Variants in RBFOX1 observed in about 807,000 individuals in gnomAD.
RBFOX1 encodes the protein RNA binding protein fox-1 homolog 1.
RBFOX1 carries 8 observed loss-of-function variants against 57.7 expected under a neutral mutation model. That is an observed-to-expected ratio of 0.14 (90% CI 0.08 to 0.25). The LOEUF (loss-of-function observed/expected upper bound fraction) is 0.25. Ranked by LOEUF, RBFOX1 falls within the 10% of genes least tolerant of loss-of-function variation. The pLI, the probability that RBFOX1 is intolerant of heterozygous loss-of-function variation, is 1.00. For synonymous variants in RBFOX1, 326 were observed against 222.4 expected (o/e 1.47, Z -4.15); for missense variants, 611 against 548.5 (o/e 1.11, Z -1.14).
intron 4 of RBFOX1, among the ~76,000 whole-genome samples, chr16:7,060,314 G>T (rs1467480258): frequency 6.6e-6 from 1 of 152,162 alleles, no homozygotes; most frequent in Admixed American, 6.5e-5. Flanking sequence ...GCTGGTGACT[G>T]AAATGTTAGT....
Position 5,819,540 on chromosome 16 carries a change from A to G in RBFOX1, c.319-47763A>G, listed in dbSNP as rs2151800127. The stretch of plus-strand genomic sequence containing the variant: ...ACTTTGCTTGCAGGAAGCAGTGCAA[A>G]CTGTATTTTGGAACACAGGTTCTTT... On this transcript the variant is annotated intron_variant, in intron 3 of 19. Coordinates refer to the RBFOX1 transcript ENST00000641259. Among the ~76,000 whole-genome samples the G allele has an allele frequency of 3.3e-5, 5 of 152,286 alleles. 1 individual carries two copies. In the South Asian group the frequency reaches 1.0e-3, roughly 32 times the overall value.
intron 1 of RBFOX1, among the ~76,000 whole-genome samples, chr16:6,080,106 G>A (rs1174338072): frequency 2.0e-5 from 3 of 152,188 alleles, no homozygotes; most frequent in Non-Finnish European, 2.9e-5. Context: ...CTTGAAGGGA[G>A]CCATGCAGGC....
At chr16:6,982,750 T>C (rs1013828284) in intron 3 of RBFOX1, among the ~76,000 whole-genome samples, 2 of 152,116 alleles carry the variant, frequency 1.3e-5, no homozygotes, top group African/African-American at 4.8e-5. Context: ...CCCAACACTT[T>C]GGGAGGTCGA....
chr16:6,803,546 TAAAC>T (rs1009553437), intron 3 of RBFOX1, among the ~76,000 whole-genome samples: 8 of 152,290 alleles, frequency 5.3e-5, no homozygotes, highest in East Asian at 1.9e-4. Flanking sequence ...GGAAAACAGA[TAAAC>T]AAAAATCAGC....
rs529267636 is a variant in RBFOX1 at position 5,583,992 on chromosome 16, A to G, written c.259-14910A>G. Among the ~76,000 whole-genome samples the G allele has an allele frequency of 2.6e-5, 4 of 152,186 alleles. No homozygotes were observed. In the South Asian group the frequency reaches 8.3e-4, roughly 32 times the overall value. On this transcript the variant is annotated intron_variant, in intron 2 of 2. Coordinates refer to the RBFOX1 transcript ENST00000585867. ...GGCTGTGCCAGCCATTCCTGGTTCC[A>G]CCGAGTCTGGGTCACATCCCTCTAA...
intron 11 of RBFOX1, among the ~76,000 whole-genome samples, chr16:7,642,308 A>G (rs1371288342): frequency 6.6e-6 from 1 of 152,128 alleles, no homozygotes; most frequent in Non-Finnish European, 1.5e-5. Context: ...TGATCAAAGG[A>G]TCAGGACTCT....
At chr16:6,675,439 A>G (rs1277892907) in intron 3 of RBFOX1, among the ~76,000 whole-genome samples, 1 of 152,014 alleles carries the variant, frequency 6.6e-6, no homozygotes, top group East Asian at 1.9e-4. Flanking sequence ...GGCCCAGAAG[A>G]TTATTTCAAG....
chr16:6,228,724 G>C (rs775395212), intron 1 of RBFOX1, among the ~76,000 whole-genome samples: 18 of 152,086 alleles, frequency 1.2e-4, no homozygotes, highest in Non-Finnish European at 2.2e-4. Context: ...AAGTTCAAGA[G>C]ATCTATTGTA....
rs1308012323 is a variant in RBFOX1 at position 6,019,093 on chromosome 16, A to G, written c.-1026A>G. 2.0e-6 allele frequency: 2 copies of G among 983,872 alleles called. No individual in the cohort carries two copies. Among genetic ancestry groups the G allele is most frequent in the Non-Finnish European group, 2.4e-6 (2 of 829,474 alleles). 60.9% of individuals were successfully genotyped at this position (983,872 alleles called of 1,614,324 possible). On this transcript the variant is annotated 5_prime_UTR_variant, in exon 1 of 16. Transcript: ENST00000550418. This position sits in a 1 kb window ranked among gnomAD's most constrained non-coding sequence, Gnocchi z 4.2. ...CGCGCTCACACACACACAGACACAC[A>G]CGCACACACACACATGCACACATTT...
chr16:6,973,390 G>C (rs1024847541), intron 3 of RBFOX1, among the ~76,000 whole-genome samples: 2 of 152,274 alleles, frequency 1.3e-5, no homozygotes, highest in East Asian at 1.9e-4. Flanking sequence ...AACTATAAGA[G>C]ATAATAACAC....
At chr16:5,252,879 C>T (rs984919528) in intron 1 of RBFOX1, among the ~76,000 whole-genome samples, 3 of 152,236 alleles carry the variant, frequency 2.0e-5, no homozygotes, top group African/African-American at 7.2e-5. Flanking sequence ...CCTCTGAGTG[C>T]TGCTTTAGAA....
rs796950586 is a variant in RBFOX1 at position 7,034,251 on chromosome 16, G to A, written c.-15-17806G>A. 7.2e-5 allele frequency among the ~76,000 whole-genome samples: 11 copies of A among 152,242 alleles called. No homozygotes were observed. The East Asian group carries it at 7.7e-4, about 11-fold the overall frequency. The stretch of plus-strand genomic sequence containing the variant: ...TCTCTCCATCTCAGTGCTCTCATCT[G>A]TTCAAGGGGATAATGATAATGACAG... On this transcript the variant is annotated intron_variant, in intron 3 of 15. Transcript: ENST00000550418.
chr16:7,400,364 A>T (rs1429014613), intron 4 of RBFOX1, among the ~76,000 whole-genome samples: 1 of 152,184 alleles, frequency 6.6e-6, no homozygotes, highest in Non-Finnish European at 1.5e-5. Context: ...TCTTTAAGGA[A>T]ACTGCAACCT....
chr16:6,709,314 A>G (rs538708465), intron 3 of RBFOX1, among the ~76,000 whole-genome samples: 1 of 152,294 alleles, frequency 6.6e-6, no homozygotes, highest in East Asian at 1.9e-4. Context: ...AAGGAGCTAA[A>G]TTCTCCGAGA....
At chr16:7,092,357 C>G (rs190027842) in intron 4 of RBFOX1, among the ~76,000 whole-genome samples, 1 of 152,268 alleles carries the variant, frequency 6.6e-6, no homozygotes, top group African/African-American at 2.4e-5. Flanking sequence ...GAAGGAAAAA[C>G]AAAGCCTCTG....
intron 4 of RBFOX1, among the ~76,000 whole-genome samples, chr16:7,349,629 C>T (rs116819019): frequency 3.9e-5 from 6 of 152,080 alleles, no homozygotes; most frequent in Admixed American, 1.3e-4. Context: ...CATACCACAT[C>T]CGCTTGAGAG....
intron 4 of RBFOX1, among the ~76,000 whole-genome samples, chr16:7,076,764 A>G (rs903071599): frequency 4.6e-5 from 7 of 152,214 alleles, no homozygotes; most frequent in Non-Finnish European, 5.9e-5. Flanking sequence ...TGAAATGACC[A>G]GTTTAAACTT....
chr16:5,377,040 G>C (rs533433732), intron 1 of RBFOX1, among the ~76,000 whole-genome samples: 1 of 151,610 alleles, frequency 6.6e-6, no homozygotes, highest in Non-Finnish European at 1.5e-5. Context: ...ATCCACTTCT[G>C]GGGGAGCCCA....
intron 1 of RBFOX1, among the ~76,000 whole-genome samples, chr16:6,078,252 A>G (rs1172872597): frequency 1.3e-5 from 2 of 152,134 alleles, no homozygotes; most frequent in Non-Finnish European, 2.9e-5. Flanking sequence ...ATTATTACAC[A>G]GGGTTTCTAG....
Sources: gnomAD v4.1 joint callset for allele counts (sites outside exome capture counted in the v4.1 genomes callset) on GRCh38, gnomAD v4.1.1 for gene constraint, Gnocchi (gnomAD v3.1) non-coding constraint, MANE v1.5 for transcripts, NCBI Gene and HGNC (gene_info 2026-07-23, HGNC 2026-07-21) for gene names.